The following PKD2L2 variants were observed in gnomAD, a reference collection of about 807,000 sequenced individuals.
PKD2L2 encodes polycystin-2-like protein 2.
A neutral mutation model predicts 83.9 loss-of-function variants in PKD2L2; 67 were observed. That is an observed-to-expected ratio of 0.80 (90% CI 0.66 to 0.98). The LOEUF (loss-of-function observed/expected upper bound fraction) is 0.98, where lower values mean the gene tolerates loss of function less well. Among genes scored for constraint, PKD2L2 ranks in the 50% least tolerant of loss-of-function variants. The probability of loss-of-function intolerance (pLI) is 0.00; values close to 1 mark genes in which losing one functional copy is unlikely to be tolerated. For synonymous variants in PKD2L2, 223 were observed against 237.8 expected, an observed-to-expected ratio of 0.94 and a Z score of 0.57; for missense variants, 632 against 717.2, an observed-to-expected ratio of 0.88 and a Z score of 1.36.
At chr5:137,934,868 G>A (rs560569380) in intron 12 of PKD2L2, among the ~76,000 whole-genome samples, 2 of 152,218 alleles carry the variant, frequency 1.3e-5, no homozygotes, top group Non-Finnish European at 2.9e-5. Context: ...GGGTGACAGA[G>A]TGAGACTGTC....
intron 14 of PKD2L2, 25 bp downstream of exon 14, chr5:137,936,452 G>T: frequency 6.6e-7 from 1 of 1,513,872 alleles, no homozygotes; most frequent in South Asian, 1.2e-5. Context: ...TGCAATCATT[G>T]AGCATTTCTT....
At chr5:137,922,691 T>C (rs982112555) in intron 9 of PKD2L2, among the ~76,000 whole-genome samples, 21 of 151,980 alleles carry the variant, frequency 1.4e-4, no homozygotes, top group African/African-American at 5.1e-4. Context: ...TGAGCTGAGA[T>C]CGCACAACTG....
At position 137,900,434 on chromosome 5, in the gene PKD2L2, C is replaced by CA. The variant is rs148575760; in HGVS notation, c.746+698dup. Among the ~76,000 whole-genome samples the CA allele has an allele frequency of 5.9e-3, 900 of 152,298 alleles. 11 individuals carry two copies. The highest frequency in any genetic ancestry group is 0.027 in the Middle Eastern group (8 of 294). Reference sequence around the variant, plus strand: ...CCACTAGTGATACTGGGGGTGCTCCCACAAAGTAGAGAAATATCATGACAT... The same window carrying CA: ...CCACTAGTGATACTGGGGGTGCTCCCAACAAAGTAGAGAAATATCATGACAT... On this transcript the variant is annotated intron_variant, in intron 5 of 14. Transcript: ENST00000508883.
chr5:137,891,694 T>C (rs1357975953), intron 2 of PKD2L2, among the ~76,000 whole-genome samples: 1 of 151,754 alleles, frequency 6.6e-6, no homozygotes, highest in Non-Finnish European at 1.5e-5. Flanking sequence ...TGTGATTTTT[T>C]TTCTTTTTTT....
At chr5:137,938,316 A>G (rs569936919) in intron 14 of PKD2L2, 1 of 152,756 alleles carries the variant, frequency 6.5e-6, no homozygotes, top group South Asian at 2.1e-4. Context: ...CATTATAAAG[A>G]AGGAATATAT....
chr5:137,937,901 T>C (rs1760619340), intron 14 of PKD2L2: 2 of 151,606 alleles, frequency 1.3e-5, no homozygotes, highest in African/African-American at 4.8e-5. Flanking sequence ...GAGGGAACAC[T>C]TGAGGTCTTT....
intron 4 of PKD2L2, among the ~76,000 whole-genome samples, chr5:137,897,547 A>G (rs1756585735): frequency 1.3e-5 from 2 of 152,248 alleles, no homozygotes; most frequent in African/African-American, 4.8e-5. Context: ...GGTTTATTTT[A>G]TAATCTCTGT....
chr5:137,924,759 T>A (rs1298213395), intron 10 of PKD2L2, among the ~76,000 whole-genome samples: 4 of 152,216 alleles, frequency 2.6e-5, no homozygotes, highest in Admixed American at 1.3e-4. Flanking sequence ...AGTGTTAACA[T>A]CCTTAACGCA....
intron 13 of PKD2L2, 33 bp from the exon 14 acceptor site, chr5:137,936,287 G>T: frequency 1.3e-6 from 2 of 1,512,068 alleles, no homozygotes; most frequent in South Asian, 2.4e-5. Context: ...GTTTATTACT[G>T]ACTCATTCTC....
At chr5:137,901,665 T>C (rs1756970945) in intron 5 of PKD2L2, among the ~76,000 whole-genome samples, 1 of 152,194 alleles carries the variant, frequency 6.6e-6, no homozygotes, top group African/African-American at 2.4e-5. Flanking sequence ...AATGGTTCCA[T>C]TGATGCTTTT....
intron 12 of PKD2L2, among the ~76,000 whole-genome samples, chr5:137,930,799 A>C (rs1045467924): frequency 5.3e-5 from 8 of 152,066 alleles, no homozygotes; most frequent in African/African-American, 1.9e-4. Flanking sequence ...TTTATCAATA[A>C]AAATAAAAGA....
intron 12 of PKD2L2, among the ~76,000 whole-genome samples, chr5:137,935,583 T>C (rs1760261313): frequency 6.6e-6 from 1 of 152,224 alleles, no homozygotes; most frequent in Non-Finnish European, 1.5e-5. Context: ...TCCCTAACTA[T>C]GCTAGACAGC....
chr5:137,891,828 C>A (rs1301722801), intron 2 of PKD2L2, among the ~76,000 whole-genome samples: 1 of 151,950 alleles, frequency 6.6e-6, no homozygotes, highest in Non-Finnish European at 1.5e-5. Flanking sequence ...GGATTACAGG[C>A]CTGTGCCACC....
intron 12 of PKD2L2, among the ~76,000 whole-genome samples, chr5:137,929,534 CAA>C (rs756601170): frequency 8.7e-4 from 3 of 3,438 alleles, no homozygotes; most frequent in Non-Finnish European, 1.4e-3. Context: ...ACAAAATTGC[CAA>C]AAAAAAAAAA....
At chr5:137,893,825 G>A (rs1422619995) in intron 3 of PKD2L2, among the ~76,000 whole-genome samples, 2 of 152,180 alleles carry the variant, frequency 1.3e-5, no homozygotes, top group African/African-American at 4.8e-5. Context: ...AAAAGAGGTG[G>A]AGGTCACCTT....
At chr5:137,926,835 C>T (rs1014952781) in intron 12 of PKD2L2, among the ~76,000 whole-genome samples, 1 of 152,096 alleles carries the variant, frequency 6.6e-6, no homozygotes, top group African/African-American at 2.4e-5. Context: ...CTAAGGAGGG[C>T]TGACTTTTCC....
At chr5:137,893,415 A>G (rs1399196245) in intron 3 of PKD2L2, among the ~76,000 whole-genome samples, 1 of 152,218 alleles carries the variant, frequency 6.6e-6, no homozygotes, top group East Asian at 1.9e-4. Flanking sequence ...TTATGAAGAA[A>G]GAACAGTTAA....
chr5:137,925,924 G>GA lies in PKD2L2; in HGVS notation c.1670dup (p.Asn557LysfsTer2). On this transcript the variant is annotated frameshift_variant, in exon 12 of 15. Transcript: ENST00000508883. LOFTEE classifies it high-confidence loss of function. Reference sequence around the variant, plus strand: ...ACAAGCCAGAAGAGAAGGCTTTGACGAAAATGTAAGATTTTAATTTTTTTC... The same window carrying GA: ...ACAAGCCAGAAGAGAAGGCTTTGACGAAAAATGTAAGATTTTAATTTTTTTC... The GA allele has an allele frequency of 6.3e-7, 1 of 1,580,602 alleles. No individual in the cohort carries two copies. Among genetic ancestry groups the GA allele is most frequent in the Non-Finnish European group, 8.7e-7 (1 of 1,152,786 alleles).
At chr5:137,897,437 A>G (rs988842301) in intron 4 of PKD2L2, among the ~76,000 whole-genome samples, 1 of 152,204 alleles carries the variant, frequency 6.6e-6, no homozygotes, top group Non-Finnish European at 1.5e-5. Flanking sequence ...CACCTTTTAA[A>G]TTGGAATCCT....
Sources: gnomAD v4.1 joint callset for allele counts (sites outside exome capture counted in the v4.1 genomes callset) on GRCh38, gnomAD v4.1.1 for gene constraint, MANE v1.5 for transcripts, NCBI Gene and HGNC (gene_info 2026-07-23, HGNC 2026-07-21) for gene names.